The following PLXDC2 variants were observed in gnomAD, a reference collection of about 807,000 sequenced individuals.
The protein encoded by PLXDC2 is plexin domain-containing protein 2.
PLXDC2 carries 40 observed loss-of-function variants against 68.9 expected under a neutral mutation model. The ratio of observed to expected loss-of-function variants is 0.58; its 90% confidence interval spans 0.45 to 0.76. PLXDC2 has a LOEUF of 0.76. Ranked by LOEUF, PLXDC2 falls within the 30% of genes least tolerant of loss-of-function variation. The pLI is 0.00. For missense variants in PLXDC2, 644 were observed against 661.9 expected (o/e 0.97, Z 0.30); for synonymous variants, 243 against 234.2 (o/e 1.04, Z -0.34).
At chr10:19,955,815 C>A (rs1834060080) in intron 1 of PLXDC2, among the ~76,000 whole-genome samples, 1 of 152,158 alleles carries the variant, frequency 6.6e-6, no homozygotes, top group Non-Finnish European at 1.5e-5. Flanking sequence ...CGTGGTGGCT[C>A]ACGCCTGTAA....
intron 1 of PLXDC2, among the ~76,000 whole-genome samples, chr10:19,970,370 A>G (rs566592142): frequency 6.6e-6 from 1 of 152,340 alleles, no homozygotes; most frequent in Non-Finnish European, 1.5e-5. Context: ...TAGCCCCTTG[A>G]CAGATTACAA....
chr10:19,817,025 C>A lies in PLXDC2; in HGVS notation c.-55C>A. ...CCGGTCGTGCCTATTGCATCGGGAG[C>A]CCCCGAGCACCGGCGAAGGACTGGC... is the stretch of plus-strand genomic sequence containing the variant. On this transcript the variant is annotated 5_prime_UTR_variant, in exon 1 of 14. Transcript: ENST00000377252. The A allele has an allele frequency of 7.3e-7, 1 of 1,368,566 alleles. No homozygotes were observed. Among genetic ancestry groups the A allele is most frequent in the Non-Finnish European group, 1.0e-6 (1 of 991,594 alleles). 84.8% of individuals were successfully genotyped at this position (1,368,566 alleles called of 1,614,324 possible). A position where few individuals can be genotyped will look rare whatever the true frequency, so the allele number is the denominator to read the frequency against.
chr10:20,029,393 G>C (rs1473222874), intron 2 of PLXDC2, among the ~76,000 whole-genome samples: 1 of 150,816 alleles, frequency 6.6e-6, no homozygotes, highest in African/African-American at 2.4e-5. Context: ...TGCATGACAT[G>C]TAAAAGAAAT....
intron 9 of PLXDC2, among the ~76,000 whole-genome samples, chr10:20,198,887 A>G (rs932294414): frequency 2.0e-5 from 3 of 152,068 alleles, no homozygotes; most frequent in African/African-American, 7.2e-5. Context: ...GCTTCTTCAT[A>G]CTGATAAAGT....
chr10:20,255,791 C>A (rs566347846), intron 13 of PLXDC2, among the ~76,000 whole-genome samples: 16 of 151,884 alleles, frequency 1.1e-4, no homozygotes, highest in Non-Finnish European at 2.1e-4. Context: ...TGGTAGTAAT[C>A]GTGCTTTTTG....
At chr10:19,876,044 C>T (rs1454413353) in intron 1 of PLXDC2, among the ~76,000 whole-genome samples, 1 of 152,070 alleles carries the variant, frequency 6.6e-6, no homozygotes, top group Non-Finnish European at 1.5e-5. Context: ...AATTTGAGGA[C>T]AATCAGTGGT....
intron 2 of PLXDC2, among the ~76,000 whole-genome samples, chr10:20,006,134 C>T (rs1835025042): frequency 6.6e-6 from 1 of 151,886 alleles, no homozygotes; most frequent in Non-Finnish European, 1.5e-5. Context: ...AGCTGAGATT[C>T]CACCACTGTA....
chr10:19,956,499 T>C (rs1345214219), intron 1 of PLXDC2, among the ~76,000 whole-genome samples: 1 of 152,240 alleles, frequency 6.6e-6, no homozygotes, highest in Non-Finnish European at 1.5e-5. Flanking sequence ...GGAATCTTAG[T>C]ATTAACATTC....
intron 4 of PLXDC2, among the ~76,000 whole-genome samples, chr10:20,104,796 T>A (rs755340630): frequency 1.3e-5 from 2 of 152,056 alleles, no homozygotes; most frequent in African/African-American, 2.4e-5. Flanking sequence ...CTCACGCCTG[T>A]AATCCCAGCA....
At chr10:20,172,734 T>C (rs1589664696) in intron 7 of PLXDC2, among the ~76,000 whole-genome samples, 1 of 152,218 alleles carries the variant, frequency 6.6e-6, no homozygotes, top group South Asian at 2.1e-4. Flanking sequence ...AAGGTTGTTT[T>C]AGGTCCTATT....
intron 4 of PLXDC2, among the ~76,000 whole-genome samples, chr10:20,072,693 A>C (rs932084446): frequency 6.6e-6 from 1 of 152,156 alleles, no homozygotes; most frequent in African/African-American, 2.4e-5. Context: ...CAGTTGTTTG[A>C]ATACTTGCTT....
chr10:20,146,949 C>T (rs552860728), intron 5 of PLXDC2, among the ~76,000 whole-genome samples: 3 of 152,010 alleles, frequency 2.0e-5, no homozygotes, highest in Admixed American at 6.6e-5. Context: ...GTTTTTCTAA[C>T]CAAACAGAAA....
chr10:19,945,689 G>A (rs975972765), intron 1 of PLXDC2, among the ~76,000 whole-genome samples: 1 of 152,206 alleles, frequency 6.6e-6, no homozygotes, highest in African/African-American at 2.4e-5. Context: ...ATGTTATCTT[G>A]TCTGTGCTTC....
intron 1 of PLXDC2, among the ~76,000 whole-genome samples, chr10:19,933,563 G>A (rs1355604060): frequency 6.6e-6 from 1 of 151,996 alleles, no homozygotes; most frequent in East Asian, 1.9e-4. Context: ...AACCCTGGAG[G>A]TAGAGGTTGC....
chr10:19,819,740 C>T (rs891133757), intron 1 of PLXDC2, among the ~76,000 whole-genome samples: 5 of 152,146 alleles, frequency 3.3e-5, no homozygotes, highest in Non-Finnish European at 7.4e-5. Context: ...TTGTTCTTCT[C>T]TGGTTGAATA....
intron 6 of PLXDC2, among the ~76,000 whole-genome samples, chr10:20,155,909 T>C (rs1446175731): frequency 6.6e-6 from 1 of 152,148 alleles, no homozygotes; most frequent in African/African-American, 2.4e-5. Flanking sequence ...AGACAGAGTC[T>C]CATTCTGTTG....
chr10:19,884,883 G>C (rs1187195605), intron 1 of PLXDC2, among the ~76,000 whole-genome samples: 3 of 152,160 alleles, frequency 2.0e-5, no homozygotes, highest in African/African-American at 7.2e-5. Flanking sequence ...TGGGATGGCT[G>C]GGTCAAATGG....
chr10:19,819,657 T>G (rs1836427723), intron 1 of PLXDC2, among the ~76,000 whole-genome samples: 1 of 152,266 alleles, frequency 6.6e-6, no homozygotes, highest in Admixed American at 6.5e-5. Flanking sequence ...AACTGCTAAT[T>G]TCCTCTATTA....
At position 20,279,704 on chromosome 10, in the gene PLXDC2, G is replaced by A; in HGVS notation, c.1475G>A (p.Arg492Lys). The change falls in exon 14 of 14, where the codon AGA becomes AAA. Residue 492 changes from arginine (R) to lysine (K), a missense_variant and splice_region_variant. Coordinates refer to ENST00000377252, the MANE Select transcript of PLXDC2 (RefSeq NM_032812.9). ...TSAASIFFIE[R>K]RPSRWPAMKF... ...TTATTTTTGTGTTTTCTGTTTCAGA[G>A]ACGCCCAAGCAGATGGCCTGCGATG... 6.2e-7 allele frequency: 1 copy of A among 1,613,110 alleles called. No individual in the cohort carries two copies. Among genetic ancestry groups the A allele is most frequent in the Non-Finnish European group, 8.5e-7 (1 of 1,179,518 alleles).
Sources: gnomAD v4.1 joint callset for allele counts (sites outside exome capture counted in the v4.1 genomes callset) on GRCh38, gnomAD v4.1.1 for gene constraint, MANE v1.5 for transcripts, NCBI Gene and HGNC (gene_info 2026-07-23, HGNC 2026-07-21) for gene names.